The following KLF8 variants were observed in gnomAD, a reference collection of about 807,000 sequenced individuals.
KLF8 encodes KLF transcription factor 8.
A neutral mutation model predicts 18.2 loss-of-function variants in KLF8; 10 were observed. The observed-to-expected ratio is 0.55, with a 90% CI of 0.34 to 0.93. The LOEUF (loss-of-function observed/expected upper bound fraction) is 0.93, where lower values mean the gene tolerates loss of function less well. KLF8 is among the 40% of genes least tolerant of loss of function. The pLI is 0.02. For missense variants in KLF8, 264 were observed against 277.9 expected, an observed-to-expected ratio of 0.95 and a Z score of 0.36; for synonymous variants, 109 against 97.3, an observed-to-expected ratio of 1.12 and a Z score of -0.71.
chrX:56,197,308 G>T, the KLF8 span, among the ~76,000 whole-genome samples: 1 of 110,897 alleles, frequency 9.0e-6, no homozygotes, highest in Non-Finnish European at 1.9e-5. Flanking sequence ...CCAGGAGCTG[G>T]TTTTTTGAAA....
At chrX:56,171,546 C>CG in the KLF8 span, among the ~76,000 whole-genome samples, 8 of 110,524 alleles carry the variant, frequency 7.2e-5, no homozygotes, top group Admixed American at 1.9e-4. Context: ...CAACAGGCCC[C>CG]GGTGTGTGAT....
At chrX:56,184,175 T>C in the KLF8 span, among the ~76,000 whole-genome samples, 19 of 112,306 alleles carry the variant, frequency 1.7e-4, no homozygotes, top group African/African-American at 5.5e-4. Context: ...ACCCTAACAC[T>C]GCGCATTTCC....
At chrX:56,239,177 A>G (rs2066514677) in intron 1 of KLF8, among the ~76,000 whole-genome samples, 1 of 111,879 alleles carries the variant, frequency 8.9e-6, no homozygotes, top group Admixed American at 9.5e-5. Flanking sequence ...TTTGATTGCT[A>G]TTATTTTATG....
the KLF8 span, among the ~76,000 whole-genome samples, chrX:56,200,237 G>A: frequency 9.1e-6 from 1 of 109,890 alleles, no homozygotes; most frequent in Non-Finnish European, 1.9e-5. Context: ...ATTTAAAAAA[G>A]TCTCTTCTAA....
At chrX:56,137,984 A>C in the KLF8 span, among the ~76,000 whole-genome samples, 1 of 103,216 alleles carries the variant, frequency 9.7e-6, no homozygotes, top group African/African-American at 3.5e-5. Context: ...AAAAAAGAGA[A>C]TATATGAAAA....
chrX:55,943,456 C>T, the KLF8 span, among the ~76,000 whole-genome samples: 21 of 111,242 alleles, frequency 1.9e-4, no homozygotes. Flanking sequence ...TTTGATGAGT[C>T]TATTCATGGC....
At chrX:55,966,342 C>A in the KLF8 span, among the ~76,000 whole-genome samples, 1 of 112,287 alleles carries the variant, frequency 8.9e-6, no homozygotes, top group African/African-American at 3.2e-5. Context: ...TCTGTCCCAG[C>A]ACAGACGCAA....
chrX:56,199,900 C>T, the KLF8 span, among the ~76,000 whole-genome samples: 1 of 111,244 alleles, frequency 9.0e-6, no homozygotes, highest in Admixed American at 9.6e-5. Context: ...AGTATGCAGC[C>T]ATAAAAAAGG....
chrX:56,000,479 G>T, the KLF8 span, among the ~76,000 whole-genome samples: 7 of 85,704 alleles, frequency 8.2e-5, no homozygotes, highest in South Asian at 1.6e-3. Context: ...TTTTCTTGGG[G>T]GGGGGGGGAG....
chrX:56,187,379 C>T, the KLF8 span, among the ~76,000 whole-genome samples: 1 of 111,591 alleles, frequency 9.0e-6, no homozygotes, highest in Non-Finnish European at 1.9e-5. Flanking sequence ...TGGCAATAAT[C>T]AATACCTTAC....
the KLF8 span, among the ~76,000 whole-genome samples, chrX:56,078,084 C>T: frequency 4.5e-5 from 5 of 111,962 alleles, no homozygotes; most frequent in South Asian, 3.7e-4. Flanking sequence ...ATGTCATCTG[C>T]AAACATGGAC....
At chrX:56,186,284 A>G in the KLF8 span, among the ~76,000 whole-genome samples, 2 of 111,633 alleles carry the variant, frequency 1.8e-5, no homozygotes, top group East Asian at 5.6e-4. Flanking sequence ...AAAGAAGGCC[A>G]TTACATAATG....
At chrX:56,027,849 C>T in the KLF8 span, among the ~76,000 whole-genome samples, 1,762 of 112,546 alleles carry the variant, frequency 0.016, 26 homozygotes, top group African/African-American at 0.055. Flanking sequence ...AATGGTTATG[C>T]GGGGGTTTTC....
chrX:56,199,171 A>C, the KLF8 span, among the ~76,000 whole-genome samples: 61 of 112,303 alleles, frequency 5.4e-4, no homozygotes, highest in South Asian at 0.022. Context: ...TTCAGGAAAT[A>C]GGCATTGGCA....
the KLF8 span, among the ~76,000 whole-genome samples, chrX:56,193,233 T>C: frequency 1.8e-5 from 2 of 112,675 alleles, no homozygotes; most frequent in Non-Finnish European, 1.9e-5. Flanking sequence ...TCAACATCCC[T>C]GATCATCAGA....
At chrX:56,221,685 G>A in the KLF8 span, among the ~76,000 whole-genome samples, 4 of 111,364 alleles carry the variant, frequency 3.6e-5, no homozygotes, top group African/African-American at 1.3e-4. Flanking sequence ...GTTCCTCCCC[G>A]GTGGGTTCGT....
chrX:56,074,972 G>A, the KLF8 span, among the ~76,000 whole-genome samples: 1 of 110,024 alleles, frequency 9.1e-6, no homozygotes, highest in Admixed American at 9.7e-5. Context: ...AATTTTTATG[G>A]GTATTTAGTA....
chrX:56,012,437 A>G, the KLF8 span, among the ~76,000 whole-genome samples: 1 of 112,160 alleles, frequency 8.9e-6, no homozygotes, highest in African/African-American at 3.2e-5. Flanking sequence ...ATATTGATGG[A>G]AGATACCTCA....
chrX:56,210,726 A>T, the KLF8 span, among the ~76,000 whole-genome samples: 12 of 106,380 alleles, frequency 1.1e-4, no homozygotes, highest in South Asian at 8.2e-4. Flanking sequence ...TCATTTTTAA[A>T]TTTTTTTTTT....
Sources: gnomAD v4.1 joint callset for allele counts (sites outside exome capture counted in the v4.1 genomes callset) on GRCh38, gnomAD v4.1.1 for gene constraint, MANE v1.5 for transcripts, NCBI Gene and HGNC (gene_info 2026-07-23, HGNC 2026-07-21) for gene names.